Variants in LRP5 observed in about 807,000 individuals in gnomAD.
The protein encoded by LRP5 is low-density lipoprotein receptor-related protein 5.
A neutral mutation model predicts 154.1 loss-of-function variants in LRP5; 62 were observed. The observed-to-expected ratio is 0.40, with a 90% confidence interval of 0.33 to 0.50. The LOEUF is 0.50. Ranked by LOEUF, LRP5 falls within the 20% of genes least tolerant of loss-of-function variation. LRP5 has a pLI of 0.55. For missense variants in LRP5, 1,915 were observed against 2,336.7 expected (o/e 0.82, Z 3.72); for synonymous variants, 966 against 1,011.5 (o/e 0.96, Z 0.85).
In LRP5 at chr11:68,423,442, A is replaced by T; in HGVS notation, c.3028-47A>T. On this transcript the variant is annotated intron_variant, in intron 13 of 22. Coordinates refer to ENST00000294304, the MANE Select transcript of LRP5 (RefSeq NM_002335.4). This position sits in a 1 kb window ranked among gnomAD's most constrained non-coding sequence, Gnocchi z 4.7. ...GTGCCAGGGGTCTCCGCCAGTGCCC[A>T]GGGGTCTCCGCCAGTGCTCAGGAGT... 1.9e-6 allele frequency: 3 copies of T among 1,569,210 alleles called. No individual in the cohort carries two copies. Among genetic ancestry groups the T allele is most frequent in the Non-Finnish European group, 1.8e-6 (2 of 1,139,374 alleles).
chr11:68,424,676 T>G (rs1304141665), intron 14 of LRP5, among the ~76,000 whole-genome samples: 1 of 152,184 alleles, frequency 6.6e-6, no homozygotes, highest in Non-Finnish European at 1.5e-5. Context: ...GATCGAGGTG[T>G]GGGCAGGGCC....
At position 68,425,228 on chromosome 11, in the gene LRP5, C is replaced by T; in HGVS notation, c.3363C>T (p.Asn1121=). The T allele has an allele frequency of 1.2e-6, 2 of 1,612,754 alleles. No individual in the cohort carries two copies. Among genetic ancestry groups the T allele is most frequent in the Non-Finnish European group, 1.7e-6 (2 of 1,179,990 alleles). Residue 1121 remains asparagine (N), a synonymous_variant, in exon 15 of 23, where the codon AAC becomes AAT. Coordinates refer to ENST00000294304, the MANE Select transcript of LRP5 (RefSeq NM_002335.4). ...GCCCTGTGGCCCTGGTGGTGGACAACACACTGGGCAAGCTGTTCTGGGTGG... is the reference window on the plus strand; with the variant it reads ...GCCCTGTGGCCCTGGTGGTGGACAATACACTGGGCAAGCTGTTCTGGGTGG... The part of the protein sequence containing the change: ...LIRPVALVVD[N]TLGKLFWVDA...
intron 6 of LRP5, among the ~76,000 whole-genome samples, chr11:68,387,201 G>A (rs2098643552): frequency 6.6e-6 from 1 of 150,980 alleles, no homozygotes; most frequent in African/African-American, 2.4e-5. Flanking sequence ...TACAACCTCT[G>A]CCTCCTGGGC....
At chr11:68,442,120 A>T (rs1409224664) in intron 21 of LRP5, among the ~76,000 whole-genome samples, 1 of 152,220 alleles carries the variant, frequency 6.6e-6, no homozygotes, top group Non-Finnish European at 1.5e-5. Context: ...AAGCCAGAAG[A>T]TAATTGTAGA....
rs796691749 is a variant in LRP5, at chr11:68,378,613, T to G, written c.1016-7703T>G. ...TTTTTTTCCTCTTATAAAATAACATTTATACGTTCGCTGTAGCAAGGAAAA... is the reference window on the plus strand; with the variant it reads ...TTTTTTTCCTCTTATAAAATAACATGTATACGTTCGCTGTAGCAAGGAAAA... On this transcript the variant is annotated intron_variant, in intron 5 of 22. Coordinates refer to ENST00000294304, the MANE Select transcript of LRP5 (RefSeq NM_002335.4). 1.4e-4 allele frequency among the ~76,000 whole-genome samples: 22 copies of G among 152,218 alleles called. 1 individual carries two copies. Among genetic ancestry groups the G allele is most frequent in the African/African-American group, 5.3e-4 (22 of 41,556 alleles).
chr11:68,376,950 C>G (rs952759927), intron 5 of LRP5, among the ~76,000 whole-genome samples: 2 of 152,250 alleles, frequency 1.3e-5, no homozygotes, highest in African/African-American at 4.8e-5. Context: ...GCTGTGTTCC[C>G]TCACCAGGGT....
chr11:68,448,238 C>A (rs1387812516), intron 22 of LRP5, among the ~76,000 whole-genome samples: 1 of 152,218 alleles, frequency 6.6e-6, no homozygotes, highest in Admixed American at 6.5e-5. Flanking sequence ...TCAATCATCT[C>A]CCACTGGGTC....
In LRP5 at chr11:68,366,208, C is replaced by T. The variant is rs558485120; in HGVS notation, c.1015+506C>T. Among the ~76,000 whole-genome samples the T allele has an allele frequency of 4.6e-5, 7 of 152,302 alleles. No homozygotes were observed. The South Asian group carries it at 1.2e-3, about 27-fold the overall frequency. ...GGGGTAACGAGAGGTGTCAGGAAAG[C>T]GCCATCCCTGGGACCAGTCCTCCCC... On this transcript the variant is annotated intron_variant, in intron 5 of 22. Coordinates refer to ENST00000294304, the MANE Select transcript of LRP5 (RefSeq NM_002335.4).
chr11:68,340,333 G>A (rs1054579613), intron 1 of LRP5, among the ~76,000 whole-genome samples: 1 of 152,154 alleles, frequency 6.6e-6, no homozygotes, highest in Non-Finnish European at 1.5e-5. Flanking sequence ...AATCCTGCCC[G>A]GAATCTCACA....
chr11:68,302,403 T>C, the LRP5 span, among the ~76,000 whole-genome samples: 1 of 148,964 alleles, frequency 6.7e-6, no homozygotes, highest in African/African-American at 2.5e-5. Context: ...TGGGGCCTGC[T>C]CTGTGTTCCT....
the LRP5 span, among the ~76,000 whole-genome samples, chr11:68,302,571 T>C: frequency 6.6e-6 from 1 of 152,136 alleles, no homozygotes; most frequent in Non-Finnish European, 1.5e-5. Flanking sequence ...GGATGGTCGG[T>C]TGCCCTAGTT....
Position 68,413,977 on chromosome 11 carries a change from A to G in LRP5, c.2792A>G (p.His931Arg). 1 of 1,605,936 alleles carries G rather than the reference A, an allele frequency of 6.2e-7. No individual in the cohort carries two copies. The highest frequency in any genetic ancestry group is 1.1e-5 in the South Asian group (1 of 91,060). The change falls in exon 12 of 23, where the codon CAC (histidine) becomes CGC (arginine). Residue 931 changes from histidine to arginine, a missense_variant. Coordinates refer to ENST00000294304, the MANE Select transcript of LRP5 (RefSeq NM_002335.4). This position sits in a 1 kb window ranked among gnomAD's most constrained non-coding sequence, Gnocchi z 5.1. ...PGGHRCGCAS[H>R]YTLDPSSRNC... ...GGCCACCGCTGCGGCTGCGCCTCAC[A>G]CTACACCCTGGACCCCAGCAGCCGC...
chr11:68,341,181 G>T (rs2098608924), intron 1 of LRP5, among the ~76,000 whole-genome samples: 1 of 151,434 alleles, frequency 6.6e-6, no homozygotes, highest in African/African-American at 2.4e-5. Flanking sequence ...CTGGGGAGAG[G>T]GCGTAATTAT....
intron 17 of LRP5, among the ~76,000 whole-genome samples, chr11:68,430,727 A>C (rs528205122): frequency 6.6e-6 from 1 of 152,194 alleles, no homozygotes; most frequent in Non-Finnish European, 1.5e-5. Flanking sequence ...TAGTAGTTCT[A>C]TCTTTTTCTC....
At chr11:68,305,617 A>G in the LRP5 span, among the ~76,000 whole-genome samples, 1 of 151,694 alleles carries the variant, frequency 6.6e-6, no homozygotes, top group Non-Finnish European at 1.5e-5. Flanking sequence ...TAATTTTCAT[A>G]TTTTCAGTAG....
At chr11:68,422,891 C>T (rs2098666624) in intron 13 of LRP5, among the ~76,000 whole-genome samples, 2 of 150,294 alleles carry the variant, frequency 1.3e-5, no homozygotes, top group Non-Finnish European at 3.0e-5. Context: ...CCCACCTTCA[C>T]CTAACCCCCA....
intron 19 of LRP5, among the ~76,000 whole-genome samples, chr11:68,437,884 C>T (rs980561628): frequency 3.3e-5 from 5 of 152,250 alleles, no homozygotes; most frequent in South Asian, 2.1e-4. Context: ...AGAGCCCGCA[C>T]GCTTCCATTC....
At chr11:68,340,155 G>T (rs147156519) in intron 1 of LRP5, among the ~76,000 whole-genome samples, 3 of 152,138 alleles carry the variant, frequency 2.0e-5, no homozygotes, top group Non-Finnish European at 4.4e-5. Flanking sequence ...TGGGAGAATC[G>T]CTTGAAACTG....
intron 21 of LRP5, among the ~76,000 whole-genome samples, chr11:68,443,133 GT>G (rs2098679038): frequency 6.6e-6 from 1 of 152,076 alleles, no homozygotes; most frequent in Non-Finnish European, 1.5e-5. Flanking sequence ...CTAATATAGA[GT>G]AAAAATGGTA....
Sources: allele counts gnomAD v4.1 joint callset (sites outside exome capture counted in the v4.1 genomes callset), GRCh38; gene constraint gnomAD v4.1.1; non-coding constraint Gnocchi (gnomAD v3.1); transcripts MANE v1.5; gene names NCBI Gene and HGNC (gene_info 2026-07-23, HGNC 2026-07-21).